CHST6: variants seen among roughly 807,000 people sequenced by gnomAD.
CHST6 encodes the protein carbohydrate sulfotransferase 6.
For synonymous variants in CHST6, 309 were observed against 276.4 expected (o/e 1.12, Z -1.17); for missense variants, 698 against 586.2 (o/e 1.19, Z -1.97).
At chr16:75,485,800 C>T (rs1473536884) in intron 1 of CHST6, among the ~76,000 whole-genome samples, 1 of 152,172 alleles carries the variant, frequency 6.6e-6, no homozygotes, top group Non-Finnish European at 1.5e-5. Flanking sequence ...ACACATCTGG[C>T]TATGTGACGG....
At position 75,473,111 on chromosome 16, in the gene CHST6, C is replaced by T. The variant is rs1175249166; in HGVS notation, c.*5530G>A. Reference sequence around the variant, plus strand: ...TAGGCAATGCTACGTAACAAACCACCACAACACTCAAATGACTGAAACACA... The same window carrying T: ...TAGGCAATGCTACGTAACAAACCACTACAACACTCAAATGACTGAAACACA... On this transcript the variant is annotated 3_prime_UTR_variant, in exon 3 of 3. Coordinates refer to ENST00000332272, the MANE Select transcript of CHST6 (RefSeq NM_021615.5). 6.6e-6 allele frequency: 1 copy of T among 152,268 alleles called. No homozygotes were observed. The highest frequency in any genetic ancestry group is 2.4e-5 in the African/African-American group (1 of 41,468). 9.4% of individuals were successfully genotyped at this position (152,268 alleles called of 1,614,324 possible). A position where few individuals can be genotyped will look rare whatever the true frequency, so the allele number is the denominator to read the frequency against.
chr16:75,487,672 A>G (rs971289769), intron 1 of CHST6, among the ~76,000 whole-genome samples: 10 of 151,774 alleles, frequency 6.6e-5, no homozygotes, highest in Admixed American at 3.3e-4. Context: ...GGTGGCGGGC[A>G]CCTGTAGTCC....
rs528152931 is a variant in CHST6 at position 75,492,012 on chromosome 16, C to G, written c.-92+2928G>C. 2.6e-5 allele frequency among the ~76,000 whole-genome samples: 4 copies of G among 152,372 alleles called. No homozygotes were observed. The East Asian group carries it at 5.8e-4, about 22-fold the overall frequency. On this transcript the variant is annotated intron_variant, in intron 1 of 2. Transcript: ENST00000332272. ...CAAGCCCTGGCCACATCTGCCAACT[C>G]TGCCAGTCCTGGTGATGCAGCTGCA...
intron 1 of CHST6, among the ~76,000 whole-genome samples, chr16:75,487,873 G>A (rs1025918881): frequency 6.6e-6 from 1 of 150,732 alleles, no homozygotes; most frequent in African/African-American, 2.4e-5. Flanking sequence ...GTGGGCACCT[G>A]TAATCCCAGC....
At chr16:75,487,132 G>A (rs247445) in intron 1 of CHST6, among the ~76,000 whole-genome samples, 102,174 of 152,142 alleles carry the variant, frequency 0.67, 34,500 homozygotes, top group South Asian at 0.79. Context: ...GAATTCCCCA[G>A]TAGCCCACAT....
rs1175438736 is a variant in CHST6, at chr16:75,479,120, G to A, written c.709C>T (p.Pro237Ser). The change falls in exon 3 of 3, where the codon CCC becomes TCC. Residue 237 changes from proline (P) to serine (S), a missense_variant. Pro to Ser is a moderately conservative substitution (Grantham distance 74, BLOSUM62 -1). Transcript: ENST00000332272. The part of the protein sequence containing the change: ...GTNGTWVEAD[P>S]GLRVVREVCR... ...ACCTCGCGCACCACGCGCAGGCCGG[G>A]GTCGGCCTCCACCCACGTGCCGTTG... 1.2e-6 allele frequency: 2 copies of A among 1,605,596 alleles called. No individual in the cohort carries two copies. Among genetic ancestry groups the A allele is most frequent in the South Asian group, 2.2e-5 (2 of 90,958 alleles).
At chr16:75,486,258 G>C (rs1221834453) in intron 1 of CHST6, among the ~76,000 whole-genome samples, 1 of 152,246 alleles carries the variant, frequency 6.6e-6, no homozygotes, top group African/African-American at 2.4e-5. Context: ...ACTTTGGATT[G>C]TGGTTTTTCG....
intron 2 of CHST6, among the ~76,000 whole-genome samples, chr16:75,480,854 C>G (rs1383123311): frequency 6.9e-6 from 1 of 144,852 alleles, no homozygotes; most frequent in Admixed American, 7.1e-5. Context: ...CGCTTGAACC[C>G]GGGAGGCAGA....
chr16:75,472,500 C>T lies in CHST6; in HGVS notation c.*6141G>A, dbSNP rs2080030132. ...TGAGTCATAAGCATGAAAAGATGTT[C>T]AGCTGCCCCAGGAATTAAAGAAGTG... On this transcript the variant is annotated 3_prime_UTR_variant, in exon 3 of 3. Transcript: ENST00000332272. 1 of 152,238 alleles carries T rather than the reference C, an allele frequency of 6.6e-6. No individual in the cohort carries two copies. The highest frequency in any genetic ancestry group is 2.1e-4 in the South Asian group (1 of 4,836). 9.4% of individuals were successfully genotyped at this position (152,238 alleles called of 1,614,324 possible).
chr16:75,478,317 C>A lies in CHST6; in HGVS notation c.*324G>T, dbSNP rs2080088197. On this transcript the variant is annotated 3_prime_UTR_variant, in exon 3 of 3. Coordinates refer to ENST00000332272, the MANE Select transcript of CHST6 (RefSeq NM_021615.5). ...CCCTCAGCTGCTGCAGGATGTGTCA[C>A]CAGAAGGAGAGAGTTAAAGGGGAAG... 1 of 410,870 alleles carries A rather than the reference C, an allele frequency of 2.4e-6. No homozygotes were observed. Among genetic ancestry groups the A allele is most frequent in the Admixed American group, 3.7e-5 (1 of 26,956 alleles). 25.5% of individuals were successfully genotyped at this position (410,870 alleles called of 1,614,324 possible). A position where few individuals can be genotyped will look rare whatever the true frequency, so the allele number is the denominator to read the frequency against.
chr16:75,488,563 G>C (rs548873319), intron 1 of CHST6, among the ~76,000 whole-genome samples: 105 of 152,264 alleles, frequency 6.9e-4, no homozygotes, highest in Non-Finnish European at 1.3e-3. Context: ...GCTACAACTG[G>C]GGCCAAACTG....
At chr16:75,482,337 T>C (rs904293702) in intron 1 of CHST6, among the ~76,000 whole-genome samples, 3 of 151,964 alleles carry the variant, frequency 2.0e-5, no homozygotes, top group Non-Finnish European at 2.9e-5. Context: ...TCACCTGAGG[T>C]TGGGAGTTTG....
At chr16:75,481,259 G>C (rs1044216526) in intron 2 of CHST6, among the ~76,000 whole-genome samples, 2 of 152,032 alleles carry the variant, frequency 1.3e-5, no homozygotes, top group Non-Finnish European at 2.9e-5. Context: ...TTGGGCGATA[G>C]AGTGAGACTC....
chr16:75,491,311 G>A (rs2080255240), intron 1 of CHST6, among the ~76,000 whole-genome samples: 1 of 148,588 alleles, frequency 6.7e-6, no homozygotes, highest in East Asian at 2.0e-4. Flanking sequence ...TACAAAGTAT[G>A]GGAGATGCAC....
chr16:75,484,359 C>A (rs1445559346), intron 1 of CHST6, among the ~76,000 whole-genome samples: 2 of 151,352 alleles, frequency 1.3e-5, no homozygotes, highest in African/African-American at 4.9e-5. Context: ...AATAAATAAA[C>A]AAACAAACAT....
chr16:75,485,768 A>G (rs1368578002), intron 1 of CHST6, among the ~76,000 whole-genome samples: 2 of 152,198 alleles, frequency 1.3e-5, no homozygotes, highest in Non-Finnish European at 2.9e-5. Flanking sequence ...CAGAGCTGAC[A>G]ATCAAGTTGG....
intron 1 of CHST6, among the ~76,000 whole-genome samples, chr16:75,485,476 CA>C (rs34437503): frequency 6.6e-6 from 1 of 152,090 alleles, no homozygotes; most frequent in Non-Finnish European, 1.5e-5. Context: ...TAAAAAAAAT[CA>C]AAAACCTAAA....
Position 75,475,658 on chromosome 16 carries a change from C to A in CHST6, c.*2983G>T, listed in dbSNP as rs957971491. ...TGTCCTGAAAGCTGACCTGGGTTCA[C>A]TGTGAGGCTTGACTGTACTGCCCAT... is the stretch of plus-strand genomic sequence containing the variant. On this transcript the variant is annotated 3_prime_UTR_variant, in exon 3 of 3. Transcript: ENST00000332272. 1.3e-5 allele frequency: 2 copies of A among 152,276 alleles called. No homozygotes were observed. Among genetic ancestry groups the A allele is most frequent in the African/African-American group, 4.8e-5 (2 of 41,474 alleles). 9.4% of individuals were successfully genotyped at this position (152,276 alleles called of 1,614,324 possible).
chr16:75,490,069 T>C (rs1197285926), intron 1 of CHST6, among the ~76,000 whole-genome samples: 2 of 147,164 alleles, frequency 1.4e-5, no homozygotes, highest in African/African-American at 5.1e-5. Flanking sequence ...TCCCAGCTAC[T>C]CGGCGGGGAG....
Sources: gnomAD v4.1 joint callset for allele counts (sites outside exome capture counted in the v4.1 genomes callset) on GRCh38, gnomAD v4.1.1 for gene constraint, MANE v1.5 for transcripts, NCBI Gene and HGNC (gene_info 2026-07-23, HGNC 2026-07-21) for gene names.